XKR4: variants seen among roughly 807,000 people sequenced by gnomAD.
The protein encoded by XKR4 is XK-related protein 4.
XKR4 carries 12 observed loss-of-function variants against 53.9 expected under a neutral mutation model. That is an observed-to-expected ratio of 0.22 (90% confidence interval 0.14 to 0.36). The LOEUF (loss-of-function observed/expected upper bound fraction) is 0.36. Among genes scored for constraint, XKR4 ranks in the 10% least tolerant of loss-of-function variants. XKR4 has a pLI of 1.00. For missense variants in XKR4, 799 were observed against 859.5 expected (o/e 0.93, Z 0.88); for synonymous variants, 354 against 362.4 (o/e 0.98, Z 0.26).
chr8:55,473,887 TTCCC>T (rs1234101349), intron 2 of XKR4, among the ~76,000 whole-genome samples: 2 of 140,492 alleles, frequency 1.4e-5, no homozygotes, highest in African/African-American at 2.6e-5. Context: ...TCCTCCCTCC[TTCCC>T]TCCCTCCCTC....
intron 1 of XKR4, chr8:55,141,972 C>T: frequency 2.4e-6 from 1 of 418,476 alleles, no homozygotes; most frequent in South Asian, 1.7e-5. Context: ...CCAGGCCCCG[C>T]CTCTCTATTT....
chr8:55,206,968 G>A (rs779585646), intron 1 of XKR4, among the ~76,000 whole-genome samples: 48 of 152,148 alleles, frequency 3.2e-4, no homozygotes, highest in African/African-American at 9.4e-4. Context: ...CCTGCCCCGC[G>A]GCATAGTCTG....
intron 1 of XKR4, among the ~76,000 whole-genome samples, chr8:55,188,767 T>C (rs1817409457): frequency 6.6e-6 from 1 of 152,224 alleles, no homozygotes; most frequent in South Asian, 2.1e-4. Flanking sequence ...GTTGGGCATG[T>C]TACTTAACCC....
At chr8:55,464,490 G>A (rs1737152668) in intron 2 of XKR4, among the ~76,000 whole-genome samples, 1 of 152,020 alleles carries the variant, frequency 6.6e-6, no homozygotes, top group South Asian at 2.1e-4. Flanking sequence ...AATAATAAGA[G>A]CTATCTATGA....
Position 55,535,339 on chromosome 8 carries a change from T to TAGCATCA in XKR4, c.*11113_*11119dup, listed in dbSNP as rs1807018043. 6.6e-6 allele frequency: 1 copy of TAGCATCA among 151,908 alleles called. No homozygotes were observed. The highest frequency in any genetic ancestry group is 1.5e-5 in the Non-Finnish European group (1 of 67,986). 9.4% of individuals were successfully genotyped at this position (151,908 alleles called of 1,614,324 possible). A position where few individuals can be genotyped will look rare whatever the true frequency, so the allele number is the denominator to read the frequency against. On this transcript the variant is annotated 3_prime_UTR_variant, in exon 3 of 3. Transcript: ENST00000327381. ...GTGCTGTACCTATTAACTCGTCATT[T>TAGCATCA]AGCATCAGGTATATCTCCTAATGCT... is the stretch of plus-strand genomic sequence containing the variant.
intron 2 of XKR4, among the ~76,000 whole-genome samples, chr8:55,508,488 G>C (rs1169643603): frequency 6.6e-6 from 1 of 152,218 alleles, no homozygotes; most frequent in Non-Finnish European, 1.5e-5. Flanking sequence ...AAAAGAGAAA[G>C]ACTGACAAGT....
chr8:55,532,084 A>T lies in XKR4; in HGVS notation c.*7857A>T, dbSNP rs1806961297. The T allele has an allele frequency of 6.6e-6, 1 of 152,232 alleles. No individual in the cohort carries two copies. The highest frequency in any genetic ancestry group is 2.4e-5 in the African/African-American group (1 of 41,454). The allele number at this position is 152,232 out of a possible 1,614,324, so 9.4% of individuals were successfully genotyped here. ...TGTATAACTAATTTTCCTTATGTGA[A>T]ATAATTCTGGTCAGGGAATATATAA... On this transcript the variant is annotated 3_prime_UTR_variant, in exon 3 of 3. Transcript: ENST00000327381.
At chr8:55,364,089 G>C (rs1053932244) in intron 2 of XKR4, among the ~76,000 whole-genome samples, 1 of 152,126 alleles carries the variant, frequency 6.6e-6, no homozygotes, top group African/African-American at 2.4e-5. Context: ...TGAGAGGGGG[G>C]CTTACAGCAC....
chr8:55,192,343 T>TA (rs1312520521), intron 1 of XKR4, among the ~76,000 whole-genome samples: 2 of 151,786 alleles, frequency 1.3e-5, no homozygotes, highest in South Asian at 2.1e-4. Context: ...CCTCAAATAT[T>TA]AAAAAAATGG....
Position 55,524,351 on chromosome 8 carries a change from AC to A in XKR4, c.*126del. The A allele has an allele frequency of 1.0e-6, 1 of 953,216 alleles. No individual in the cohort carries two copies. The highest frequency in any genetic ancestry group is 1.5e-6 in the Non-Finnish European group (1 of 652,498). 59.0% of individuals were successfully genotyped at this position (953,216 alleles called of 1,614,324 possible). A position where few individuals can be genotyped will look rare whatever the true frequency, so the allele number is the denominator to read the frequency against. On this transcript the variant is annotated 3_prime_UTR_variant, in exon 3 of 3. Transcript: ENST00000327381. ...TGAAGTTCCTAGTGGGACCGTCATCACCATTATCATTTGATCCTGTCGGCTG... is the reference window on the plus strand; with the variant it reads ...TGAAGTTCCTAGTGGGACCGTCATCACATTATCATTTGATCCTGTCGGCTG...
chr8:55,282,799 G>T (rs527908990), intron 1 of XKR4, among the ~76,000 whole-genome samples: 1 of 152,134 alleles, frequency 6.6e-6, no homozygotes, highest in Non-Finnish European at 1.5e-5. Flanking sequence ...TATAGTAATG[G>T]CCTAGGCTTT....
At chr8:55,230,409 C>T (rs1312960224) in intron 1 of XKR4, among the ~76,000 whole-genome samples, 1 of 147,896 alleles carries the variant, frequency 6.8e-6, no homozygotes, top group East Asian at 2.0e-4. Context: ...ATCACCCAGC[C>T]TTGAGTGCAG....
intron 2 of XKR4, among the ~76,000 whole-genome samples, chr8:55,360,314 C>T (rs151334916): frequency 7.2e-5 from 11 of 152,306 alleles, no homozygotes; most frequent in African/African-American, 2.6e-4. Context: ...AAACCTGAAA[C>T]CTGTCTTCAG....
At chr8:55,273,666 A>C (rs530665357) in intron 1 of XKR4, among the ~76,000 whole-genome samples, 1 of 152,264 alleles carries the variant, frequency 6.6e-6, no homozygotes. Flanking sequence ...GACTGAGCAC[A>C]AGAAGACAGC....
At chr8:55,418,170 T>C (rs893710813) in intron 2 of XKR4, among the ~76,000 whole-genome samples, 1 of 152,118 alleles carries the variant, frequency 6.6e-6, no homozygotes, top group East Asian at 1.9e-4. Flanking sequence ...AGACTTCCTA[T>C]CTACACCTCG....
chr8:55,373,027 G>A (rs930444109), intron 2 of XKR4, among the ~76,000 whole-genome samples: 1 of 152,184 alleles, frequency 6.6e-6, no homozygotes, highest in Non-Finnish European at 1.5e-5. Context: ...CCTGATTGCA[G>A]AAGGACAGGG....
At chr8:55,409,035 G>A (rs1326678010) in intron 2 of XKR4, among the ~76,000 whole-genome samples, 3 of 150,834 alleles carry the variant, frequency 2.0e-5, no homozygotes, top group Admixed American at 2.0e-4. Context: ...AGGAGCCACA[G>A]CACCAGGAGG....
chr8:55,415,711 G>A (rs938652490), intron 2 of XKR4, among the ~76,000 whole-genome samples: 5 of 152,114 alleles, frequency 3.3e-5, no homozygotes, highest in Non-Finnish European at 5.9e-5. Flanking sequence ...TTAGAAAATT[G>A]TTTTAGGACA....
intron 1 of XKR4, among the ~76,000 whole-genome samples, chr8:55,131,289 C>T (rs966105177): frequency 6.6e-6 from 1 of 152,146 alleles, no homozygotes; most frequent in African/African-American, 2.4e-5. Context: ...ACTTGAGAAG[C>T]CTGACTTTAG....
Sources: allele counts gnomAD v4.1 joint callset (sites outside exome capture counted in the v4.1 genomes callset), GRCh38; gene constraint gnomAD v4.1.1; transcripts MANE v1.5; gene names NCBI Gene and HGNC (gene_info 2026-07-23, HGNC 2026-07-21).